ATP2A2: variants seen among roughly 807,000 people sequenced by gnomAD.
ATP2A2 encodes the protein sarcoplasmic/endoplasmic reticulum calcium ATPase 2.
In ATP2A2, 14 loss-of-function variants were observed where a neutral mutation model predicts 109.3. The ratio of observed to expected loss-of-function variants is 0.13; its 90% CI spans 0.08 to 0.20. ATP2A2 has a LOEUF of 0.20. ATP2A2 is among the 10% of genes least tolerant of loss of function. The pLI is 1.00. For synonymous variants in ATP2A2, 506 were observed against 490.9 expected, an observed-to-expected ratio of 1.03 and a Z score of -0.41; for missense variants, 657 against 1,321.6, an observed-to-expected ratio of 0.50 and a Z score of 7.80.
At chr12:110,285,968 G>T (rs897226039) in intron 3 of ATP2A2, among the ~76,000 whole-genome samples, 1 of 150,392 alleles carries the variant, frequency 6.6e-6, no homozygotes, top group African/African-American at 2.5e-5. Flanking sequence ...TTGTTGCCCG[G>T]GCTGGAGCGC....
At chr12:110,317,055 G>A (rs143926748) in intron 5 of ATP2A2, among the ~76,000 whole-genome samples, 2 of 152,300 alleles carry the variant, frequency 1.3e-5, no homozygotes, top group East Asian at 3.9e-4. Context: ...CCTGTTCACC[G>A]TGAGGCCTGG....
chr12:110,348,047 CA>C lies in ATP2A2; in HGVS notation c.*1581del. On this transcript the variant is annotated 3_prime_UTR_variant, in exon 20 of 20. Coordinates refer to ENST00000539276, the MANE Select transcript of ATP2A2 (RefSeq NM_170665.4). ...GATGACCAGGAGGGCCCAAGCCAGA[CA>C]AAAGCCGGAGTGGGGAGAGAGGCAT... is the stretch of plus-strand genomic sequence containing the variant. 1.0e-6 allele frequency: 1 copy of C among 986,490 alleles called. No individual in the cohort carries two copies. The highest frequency in any genetic ancestry group is 1.2e-6 in the Non-Finnish European group (1 of 830,718). 61.1% of individuals were successfully genotyped at this position (986,490 alleles called of 1,614,324 possible). A position where few individuals can be genotyped will look rare whatever the true frequency, so the allele number is the denominator to read the frequency against.
rs570278588 is a variant in ATP2A2, at chr12:110,307,159, C to G, written c.463+10422C>G. Among the ~76,000 whole-genome samples, 3 of 150,938 alleles carry G rather than the reference C, an allele frequency of 2.0e-5. No homozygotes were observed. The East Asian group carries it at 5.9e-4, about 29-fold the overall frequency. ...TGAGAAATCTCCAAACAGCTTTCCA[C>G]GGGGGCTGAACTAGTTTACATTCTT... is the stretch of plus-strand genomic sequence containing the variant. On this transcript the variant is annotated intron_variant, in intron 5 of 19. Transcript: ENST00000539276.
intron 5 of ATP2A2, among the ~76,000 whole-genome samples, chr12:110,312,570 C>T (rs551178416): frequency 1.3e-5 from 2 of 152,222 alleles, no homozygotes; most frequent in East Asian, 3.9e-4. Context: ...GAAGTACAGG[C>T]CGGGCATGGT....
chr12:110,346,323 T>C lies in ATP2A2; in HGVS notation c.2982T>C (p.Gly994=). The stretch of plus-strand genomic sequence containing the variant: ...TGGCCCGCAACTACCTGGAACCTGG[T>C]AAAGAGTGTGTGCAGCCTGCCACCA... ...KFVARNYLEP[G]KECVQPATKS... is the part of the protein sequence containing the mutation. Residue 994 remains glycine (G), a synonymous_variant, in exon 20 of 20, where the codon GGT becomes GGC. Coordinates refer to ENST00000539276, the MANE Select transcript of ATP2A2 (RefSeq NM_170665.4). 6.2e-7 allele frequency: 1 copy of C among 1,614,130 alleles called. No homozygotes were observed. Among genetic ancestry groups the C allele is most frequent in the Non-Finnish European group, 8.5e-7 (1 of 1,180,022 alleles).
At chr12:110,283,748 C>A (rs1872389502) in intron 3 of ATP2A2, among the ~76,000 whole-genome samples, 1 of 152,132 alleles carries the variant, frequency 6.6e-6, no homozygotes, top group Admixed American at 6.6e-5. Flanking sequence ...TGCAGTACTT[C>A]TTTCTAGTTA....
At chr12:110,332,307 T>C in intron 8 of ATP2A2, 1 of 420,908 alleles carries the variant, frequency 2.4e-6, no homozygotes, top group Non-Finnish European at 4.4e-6. Context: ...TGTGGGTTGT[T>C]GTGTCTTTGG....
Position 110,346,129 on chromosome 12 carries a change from G to A in ATP2A2, c.2859+11G>A, listed in dbSNP as rs914920127. The A allele has an allele frequency of 1.9e-5, 31 of 1,614,070 alleles. No homozygotes were observed. The Middle Eastern group carries it at 6.6e-4, about 34-fold the overall frequency. On this transcript the variant is annotated intron_variant, in intron 19 of 19. Coordinates refer to ENST00000539276, the MANE Select transcript of ATP2A2 (RefSeq NM_170665.4). Reference sequence around the variant, plus strand: ...GTCGAACCCTTGCCAGTAAGTGGTTGGGTGGGGCTTGGGACCAGCCACCTC... The same window carrying A: ...GTCGAACCCTTGCCAGTAAGTGGTTAGGTGGGGCTTGGGACCAGCCACCTC...
intron 16 of ATP2A2, among the ~76,000 whole-genome samples, chr12:110,343,804 T>G (rs1879584062): frequency 2.0e-5 from 3 of 152,206 alleles, no homozygotes; most frequent in Admixed American, 2.0e-4. Flanking sequence ...AGTCCCTGTT[T>G]CCATAAGAGA....
At chr12:110,285,948 A>C (rs916560561) in intron 3 of ATP2A2, among the ~76,000 whole-genome samples, 1 of 133,990 alleles carries the variant, frequency 7.5e-6, no homozygotes, top group Non-Finnish European at 1.5e-5. Flanking sequence ...ATGTAGATGG[A>C]GTCTCACTCT....
At chr12:110,343,922 A>G (rs1045775445) in intron 16 of ATP2A2, among the ~76,000 whole-genome samples, 5 of 152,164 alleles carry the variant, frequency 3.3e-5, no homozygotes, top group Non-Finnish European at 7.3e-5. Context: ...GTGAGGTGAA[A>G]TCACTTCCCT....
intron 3 of ATP2A2, among the ~76,000 whole-genome samples, chr12:110,291,221 T>C (rs1873251088): frequency 6.7e-6 from 1 of 149,374 alleles, no homozygotes; most frequent in African/African-American, 2.5e-5. Flanking sequence ...TTTTTTGTTT[T>C]GAGACCGAGT....
Position 110,350,104 on chromosome 12 carries a change from A to T in ATP2A2, c.*3634A>T. On this transcript the variant is annotated 3_prime_UTR_variant, in exon 20 of 20. Transcript: ENST00000539276. ...TCTGTGTCACTGAGCCAGTGCTTCTAGATGCTACCCTGTGTGGGCGGCACC... is the reference window on the plus strand; with the variant it reads ...TCTGTGTCACTGAGCCAGTGCTTCTTGATGCTACCCTGTGTGGGCGGCACC... The T allele has an allele frequency of 6.8e-7, 1 of 1,475,022 alleles. No homozygotes were observed. Among genetic ancestry groups the T allele is most frequent in the Non-Finnish European group, 8.9e-7 (1 of 1,117,420 alleles). The allele number at this position is 1,475,022 out of a possible 1,614,324, so 91.4% of individuals were successfully genotyped here.
intron 5 of ATP2A2, among the ~76,000 whole-genome samples, chr12:110,315,896 G>A (rs1233074597): frequency 4.6e-5 from 7 of 152,152 alleles, no homozygotes; most frequent in Non-Finnish European, 8.8e-5. Flanking sequence ...CTGAGATCAC[G>A]CCACTGTGCT....
rs919342873 is a variant in ATP2A2, at chr12:110,282,916, A to G, written c.219+121A>G. On this transcript the variant is annotated intron_variant, in intron 3 of 19. Coordinates refer to ENST00000539276, the MANE Select transcript of ATP2A2 (RefSeq NM_170665.4). ...ATTTGGAGTTGCAAGCTGTGTCTCT[A>G]TGTTTAAAAACAATCTGGGCATTTT... The G allele has an allele frequency of 3.6e-5, 32 of 884,166 alleles. No homozygotes were observed. The East Asian group carries it at 5.8e-4, about 16-fold the overall frequency. 54.8% of individuals were successfully genotyped at this position (884,166 alleles called of 1,614,324 possible).
rs12297171 is a variant in ATP2A2 at position 110,346,414 on chromosome 12, C to T, written c.3073C>T (p.Leu1025=). 1 of 1,614,202 alleles carries T rather than the reference C, an allele frequency of 6.2e-7. No homozygotes were observed. The highest frequency in any genetic ancestry group is 1.1e-5 in the South Asian group (1 of 91,086). Residue 1025 remains leucine, a synonymous_variant, in exon 20 of 20, where the codon CTG becomes TTG. Coordinates refer to ENST00000539276, the MANE Select transcript of ATP2A2 (RefSeq NM_170665.4). ...SWPFVLLIMP[L]VIWVYSTDTN... ...GCCGTTTGTGCTGCTCATAATGCCC[C>T]TGGTGATCTGGGTCTATAGCACAGA...
chr12:110,339,498 T>G lies in ATP2A2; in HGVS notation c.1543-5T>G. 6.2e-7 allele frequency: 1 copy of G among 1,614,022 alleles called. No homozygotes were observed. Among genetic ancestry groups the G allele is most frequent in the East Asian group, 2.2e-5 (1 of 44,874 alleles). ...ATTGTTTATCTAAATCTGTAACATT[T>G]CCAGGGTGCTCCTGAAGGTGTCATT... On this transcript the variant is annotated splice_region_variant and splice_polypyrimidine_tract_variant and intron_variant, in intron 12 of 19. Transcript: ENST00000539276. This position sits in a 1 kb window ranked among gnomAD's most constrained non-coding sequence, Gnocchi z 4.4.
intron 5 of ATP2A2, among the ~76,000 whole-genome samples, chr12:110,302,584 C>CTATTAT (rs10568177): frequency 0.09 from 13,135 of 146,414 alleles, 640 homozygotes; most frequent in African/African-American, 0.12. Flanking sequence ...ATTTTTATTA[C>CTATTAT]TATTATTATT....
rs751024772 is a variant in ATP2A2, at chr12:110,343,455, T to A, written c.2521+21T>A. 5.0e-6 allele frequency: 8 copies of A among 1,611,314 alleles called. No homozygotes were observed. The South Asian group carries it at 8.8e-5, about 18-fold the overall frequency. On this transcript the variant is annotated intron_variant, in intron 16 of 19. Transcript: ENST00000539276. ...TGGCTGTGAGTACAATTTTTTTATA[T>A]TACTGATTTTTAAACAAAATGTTTG...
Sources: allele counts gnomAD v4.1 joint callset (sites outside exome capture counted in the v4.1 genomes callset), GRCh38; gene constraint gnomAD v4.1.1; non-coding constraint Gnocchi (gnomAD v3.1); transcripts MANE v1.5; gene names NCBI Gene and HGNC (gene_info 2026-07-23, HGNC 2026-07-21).